The following ASXL2 variants were observed in gnomAD, a reference collection of about 807,000 sequenced individuals.
ASXL2 encodes the protein ASXL transcriptional regulator 2, also known as putative Polycomb group protein ASXL2.
In ASXL2, 23 loss-of-function variants were observed where a neutral mutation model predicts 122.0. The observed-to-expected ratio is 0.19, with a 90% CI of 0.14 to 0.27. The LOEUF (loss-of-function observed/expected upper bound fraction) is 0.27. Ranked by LOEUF, ASXL2 falls within the 10% of genes least tolerant of loss-of-function variation. The pLI is 1.00. For synonymous variants in ASXL2, 650 were observed against 637.0 expected (o/e 1.02, Z -0.31); for missense variants, 1,518 against 1,713.8 (o/e 0.89, Z 2.02).
rs1268490008 is a variant in ASXL2, at chr2:25,738,618, C to T, written c.*3411G>A. 3 of 152,300 alleles carry T rather than the reference C, an allele frequency of 2.0e-5. No individual in the cohort carries two copies. In the East Asian group the frequency reaches 5.8e-4, roughly 29 times the overall value. 9.4% of individuals were successfully genotyped at this position (152,300 alleles called of 1,614,324 possible). ...GAGAAGTCTCCCCACTCCTCACCCC[C>T]ATTATAGCAAATCACTTCACCAGAG... is the stretch of plus-strand genomic sequence containing the variant. On this transcript the variant is annotated 3_prime_UTR_variant, in exon 13 of 13. Transcript: ENST00000435504.
chr2:25,863,900 GA>G (rs2089867098), intron 1 of ASXL2, among the ~76,000 whole-genome samples: 1 of 151,342 alleles, frequency 6.6e-6, no homozygotes, highest in Non-Finnish European at 1.5e-5. Flanking sequence ...CAGCTACTCG[GA>G]AGGCTGAGGC....
rs1323068351 is a variant in ASXL2 at position 25,742,504 on chromosome 2, C to G, written c.3833G>C (p.Arg1278Thr). The change falls in exon 13 of 13, where the codon AGA becomes ACA. Residue 1278 changes from arginine (R) to threonine (T), a missense_variant. This residue lies in a region of ASXL2 where 831 missense variants were observed against 833.1 expected (regional missense o/e 1.00). Transcript: ENST00000435504. ...AAQKQMAHAV[R>T]GKAIRSSPEL... Reference sequence around the variant, plus strand: ...GGGGCTGCTACGGATTGCCTTACCTCTCACTGCATGAGCCATCTGCTTCTG... The same window carrying G: ...GGGGCTGCTACGGATTGCCTTACCTGTCACTGCATGAGCCATCTGCTTCTG... The G allele has an allele frequency of 1.2e-6, 2 of 1,613,832 alleles. No homozygotes were observed. The highest frequency in any genetic ancestry group is 1.3e-5 in the African/African-American group (1 of 74,924).
chr2:25,854,460 T>C (rs2089754340), intron 1 of ASXL2, among the ~76,000 whole-genome samples: 1 of 152,210 alleles, frequency 6.6e-6, no homozygotes, highest in South Asian at 2.1e-4. Flanking sequence ...AGCTAATTAA[T>C]GAAAAGAGCC....
rs2087818159 is a variant in ASXL2, at chr2:25,741,031, CA to C, written c.*997del. The C allele has an allele frequency of 1.0e-5, 2 of 193,426 alleles. No individual in the cohort carries two copies. Among genetic ancestry groups the C allele is most frequent in the African/African-American group, 4.6e-5 (2 of 43,134 alleles). The allele number at this position is 193,426 out of a possible 1,614,324, so 12.0% of individuals were successfully genotyped here. ...AAGAGAAGCGACCTTGTTCTAGTGT[CA>C]AAACTGTTTTCCAAAGTTATTTACG... On this transcript the variant is annotated 3_prime_UTR_variant, in exon 13 of 13. Transcript: ENST00000435504.
intron 1 of ASXL2, among the ~76,000 whole-genome samples, chr2:25,866,388 A>G (rs1397970246): frequency 6.6e-6 from 1 of 152,186 alleles, no homozygotes; most frequent in Non-Finnish European, 1.5e-5. Flanking sequence ...CTTGGCCTCC[A>G]AAGTGCTGGG....
At chr2:25,788,066 A>G (rs890624723) in intron 5 of ASXL2, among the ~76,000 whole-genome samples, 1 of 152,214 alleles carries the variant, frequency 6.6e-6, no homozygotes, top group African/African-American at 2.4e-5. Context: ...ACCAAACCAT[A>G]ACTATATGGT....
chr2:25,773,581 G>A (rs13429932), intron 5 of ASXL2, among the ~76,000 whole-genome samples: 3,183 of 149,186 alleles, frequency 0.021, 113 homozygotes, highest in African/African-American at 0.071. Context: ...CAGGAGAATG[G>A]CATGAACCTG....
chr2:25,784,244 C>T (rs1248161001), intron 5 of ASXL2, among the ~76,000 whole-genome samples: 13 of 152,140 alleles, frequency 8.5e-5, no homozygotes, highest in Admixed American at 6.5e-4. Context: ...GAGTAAGACC[C>T]TGTCTCCCAA....
At position 25,744,290 on chromosome 2, in the gene ASXL2, C is replaced by T. The variant is rs1559498567; in HGVS notation, c.2047G>A (p.Ala683Thr). Reference protein sequence around the residue: ...AAAAAAAAAAAASVGGTIPGP... With the variant: ...AAAAAAAAAATASVGGTIPGP... ...GGAATGGTCCCTCCAACTGAGGCGG[C>T]TGCAGCAGCTGCGGCGGCAGCGGCA... The change falls in exon 13 of 13, where the codon GCC becomes ACC. Residue 683 changes from alanine (A) to threonine (T), a missense_variant. Around this residue, in one of 8 missense-constraint regions of ASXL2, gnomAD observed 48 missense variants for 82.1 expected, o/e 0.58. Transcript: ENST00000435504. The surrounding 1 kb of genome is among the most constrained non-coding windows in gnomAD (Gnocchi z 4.7). 2 of 1,611,396 alleles carry T rather than the reference C, an allele frequency of 1.2e-6. No homozygotes were observed. The highest frequency in any genetic ancestry group is 1.7e-5 in the Admixed American group (1 of 59,012).
At chr2:25,753,461 T>A in intron 11 of ASXL2, 73 bp downstream of exon 11, 1 of 1,020,830 alleles carries the variant, frequency 9.8e-7, no homozygotes. Context: ...TCTGAGAAGG[T>A]AATGAGATAA....
chr2:25,857,168 G>T (rs1358956247), intron 1 of ASXL2, among the ~76,000 whole-genome samples: 3 of 150,804 alleles, frequency 2.0e-5, no homozygotes, highest in African/African-American at 7.3e-5. Flanking sequence ...GGTAAGCCAT[G>T]TGGTGAGCCA....
At chr2:25,862,940 C>T (rs1199659625) in intron 1 of ASXL2, among the ~76,000 whole-genome samples, 1 of 151,906 alleles carries the variant, frequency 6.6e-6, no homozygotes, top group Non-Finnish European at 1.5e-5. Context: ...TTAATTCTTG[C>T]CCTCAAAAAA....
chr2:25,814,692 A>G (rs891919885), intron 3 of ASXL2, among the ~76,000 whole-genome samples: 1 of 152,244 alleles, frequency 6.6e-6, no homozygotes, highest in Admixed American at 6.5e-5. Context: ...AGTGACTTTG[A>G]TCATATTGCC....
chr2:25,739,434 G>C lies in ASXL2; in HGVS notation c.*2595C>G. 5.6e-6 allele frequency: 1 copy of C among 179,310 alleles called. No homozygotes were observed. Among genetic ancestry groups the C allele is most frequent in the Non-Finnish European group, 1.2e-5 (1 of 84,452 alleles). The allele number at this position is 179,310 out of a possible 1,614,324, so 11.1% of individuals were successfully genotyped here. A position where few individuals can be genotyped will look rare whatever the true frequency, so the allele number is the denominator to read the frequency against. On this transcript the variant is annotated 3_prime_UTR_variant, in exon 13 of 13. Transcript: ENST00000435504. The stretch of plus-strand genomic sequence containing the variant: ...GAATGGCTTTCCACTTGAAACCTCT[G>C]TGTTGAAACCAACTGATAAATAGAC...
intron 11 of ASXL2, 123 bp from the exon 12 acceptor site, chr2:25,750,536 G>A (rs62130128): frequency 0.18 from 156,777 of 852,226 alleles, 16,097 homozygotes; most frequent in Non-Finnish European, 0.22. Flanking sequence ...AGGTATTCAT[G>A]TATTATCTTC....
Position 25,740,840 on chromosome 2 carries a change from C to T in ASXL2, c.*1189G>A, listed in dbSNP as rs753872629. The T allele has an allele frequency of 2.6e-5, 5 of 191,930 alleles. No individual in the cohort carries two copies. The highest frequency in any genetic ancestry group is 1.9e-3 in the Middle Eastern group (1 of 538). 11.9% of individuals were successfully genotyped at this position (191,930 alleles called of 1,614,324 possible). On this transcript the variant is annotated 3_prime_UTR_variant, in exon 13 of 13. Transcript: ENST00000435504. ...TATTGTGTGTGTGTGTGTACATACACGTATGTGTAAAGTAAGATATAATAA... is the reference window on the plus strand; with the variant it reads ...TATTGTGTGTGTGTGTGTACATACATGTATGTGTAAAGTAAGATATAATAA...
intron 1 of ASXL2, among the ~76,000 whole-genome samples, chr2:25,864,270 G>A (rs1326712176): frequency 1.3e-5 from 2 of 152,196 alleles, no homozygotes; most frequent in Admixed American, 1.3e-4. Flanking sequence ...TTACTGGCAG[G>A]TGAGGAGTTA....
chr2:25,787,151 T>G (rs553380449), intron 5 of ASXL2, among the ~76,000 whole-genome samples: 1 of 152,232 alleles, frequency 6.6e-6, no homozygotes. Flanking sequence ...CCGAGTGCTG[T>G]TGTGTATACA....
chr2:25,759,705 T>C lies in ASXL2; in HGVS notation c.776-60A>G, dbSNP rs966298429. The C allele has an allele frequency of 5.9e-6, 9 of 1,531,782 alleles. 1 individual carries two copies. Among genetic ancestry groups the C allele is most frequent in the Middle Eastern group, 3.5e-4 (2 of 5,756 alleles). 94.9% of individuals were successfully genotyped at this position (1,531,782 alleles called of 1,614,324 possible). Reference sequence around the variant, plus strand: ...TCACAAGTCCTGTTTCTATATAAACTGTAGCTTTCTGTGCAGTATAAAAAA... The same window carrying C: ...TCACAAGTCCTGTTTCTATATAAACCGTAGCTTTCTGTGCAGTATAAAAAA... On this transcript the variant is annotated intron_variant, in intron 8 of 12. Transcript: ENST00000435504.
Sources: allele counts gnomAD v4.1 joint callset (sites outside exome capture counted in the v4.1 genomes callset), GRCh38; gene constraint gnomAD v4.1.1; regional missense constraint gnomAD v4.1.1; non-coding constraint Gnocchi (gnomAD v3.1); transcripts MANE v1.5; gene names NCBI Gene and HGNC (gene_info 2026-07-23, HGNC 2026-07-21).